The following DPH6 variants were observed in gnomAD, a reference collection of about 807,000 sequenced individuals.
DPH6 encodes diphthine--ammonia ligase.
A neutral mutation model predicts 38.2 loss-of-function variants in DPH6; 33 were observed. The observed-to-expected ratio is 0.86, with a 90% CI of 0.65 to 1.15. The LOEUF (loss-of-function observed/expected upper bound fraction) is 1.15, where lower values mean the gene tolerates loss of function less well. DPH6 is among the 50% of genes most tolerant of loss of function. The pLI, the probability that DPH6 is intolerant of heterozygous loss-of-function variation, is 0.00. For synonymous variants in DPH6, 108 were observed against 103.0 expected, an observed-to-expected ratio of 1.05 and a Z score of -0.30; for missense variants, 325 against 320.0, an observed-to-expected ratio of 1.02 and a Z score of -0.12.
At chr15:35,258,454 AT>A (rs2051722227) in intron 3 of DPH6, among the ~76,000 whole-genome samples, 1 of 152,194 alleles carries the variant, frequency 6.6e-6, no homozygotes. Flanking sequence ...AAATCATACA[AT>A]TTTAGAGTTG....
chr15:35,347,983 A>G (rs1481638953), intron 3 of DPH6, among the ~76,000 whole-genome samples: 1 of 152,048 alleles, frequency 6.6e-6, no homozygotes, highest in Non-Finnish European at 1.5e-5. Context: ...ACCATTTTAA[A>G]ATTAGATTAT....
the DPH6 span, among the ~76,000 whole-genome samples, chr15:35,154,274 A>T: frequency 6.6e-6 from 1 of 152,218 alleles, no homozygotes; most frequent in African/African-American, 2.4e-5. Flanking sequence ...GTGTCTAAAC[A>T]TCAAATTTTA....
At chr15:35,380,002 G>GA (rs916443899) in intron 7 of DPH6, among the ~76,000 whole-genome samples, 11 of 146,810 alleles carry the variant, frequency 7.5e-5, no homozygotes, top group South Asian at 2.2e-4. Flanking sequence ...AGCCTATGAA[G>GA]AAAAAAAAAA....
chr15:35,307,683 A>G (rs1289136278), intron 3 of DPH6, among the ~76,000 whole-genome samples: 1 of 152,200 alleles, frequency 6.6e-6, no homozygotes, highest in Non-Finnish European at 1.5e-5. Flanking sequence ...GGACCATGCT[A>G]CTACTTTTCA....
chr15:35,361,756 G>T (rs1445738231), intron 3 of DPH6, among the ~76,000 whole-genome samples: 1 of 150,772 alleles, frequency 6.6e-6, no homozygotes, highest in Non-Finnish European at 1.5e-5. Context: ...TATATTCTTT[G>T]GTTCCAGATT....
chr15:35,184,455 T>A, the DPH6 span, among the ~76,000 whole-genome samples: 2 of 152,164 alleles, frequency 1.3e-5, no homozygotes, highest in African/African-American at 4.8e-5. Context: ...GTAGCAGAGC[T>A]AAACCTCCAA....
At chr15:35,165,735 T>C in the DPH6 span, among the ~76,000 whole-genome samples, 1 of 151,930 alleles carries the variant, frequency 6.6e-6, no homozygotes, top group Admixed American at 6.6e-5. Context: ...CTTAAGTCAT[T>C]GTGATCAGTA....
intron 6 of DPH6, among the ~76,000 whole-genome samples, chr15:35,384,461 G>C (rs1595517807): frequency 6.6e-6 from 1 of 152,048 alleles, no homozygotes; most frequent in Non-Finnish European, 1.5e-5. Flanking sequence ...CCGAGGCCAG[G>C]AACTAGATGC....
At chr15:35,484,298 G>A (rs1448204491) in intron 3 of DPH6, among the ~76,000 whole-genome samples, 2 of 152,230 alleles carry the variant, frequency 1.3e-5, no homozygotes, top group Non-Finnish European at 2.9e-5. Context: ...GCTAAAATGT[G>A]TTAGCTTAAA....
downstream of DPH6, among the ~76,000 whole-genome samples, chr15:35,366,271 T>C (rs886414229): frequency 2.7e-5 from 4 of 150,326 alleles, no homozygotes; most frequent in African/African-American, 9.8e-5. Flanking sequence ...TGTATACATA[T>C]AAAATTTTCT....
intron 3 of DPH6, among the ~76,000 whole-genome samples, chr15:35,504,692 G>A (rs2054671537): frequency 6.6e-6 from 1 of 151,962 alleles, no homozygotes; most frequent in Non-Finnish European, 1.5e-5. Flanking sequence ...CCCTGGAAAT[G>A]GAAAGATAAA....
intron 5 of DPH6, among the ~76,000 whole-genome samples, chr15:35,430,085 T>C (rs1476957240): frequency 6.6e-6 from 1 of 152,112 alleles, no homozygotes. Context: ...TCATCAAAAA[T>C]GATATTGACC....
the DPH6 span, among the ~76,000 whole-genome samples, chr15:35,145,757 A>G: frequency 4.5e-4 from 68 of 152,278 alleles, no homozygotes; most frequent in African/African-American, 1.6e-3. Flanking sequence ...GCCAGCCATC[A>G]AAGAATTATT....
At chr15:35,536,878 C>G (rs1462957136) in intron 3 of DPH6, among the ~76,000 whole-genome samples, 2 of 151,994 alleles carry the variant, frequency 1.3e-5, no homozygotes, top group African/African-American at 4.8e-5. Flanking sequence ...TCTTTTAAGC[C>G]TTCTACCTTG....
At chr15:35,461,937 A>G (rs886697415) in intron 3 of DPH6, among the ~76,000 whole-genome samples, 13 of 152,158 alleles carry the variant, frequency 8.5e-5, no homozygotes, top group African/African-American at 2.9e-4. Context: ...TAGGCTGCAG[A>G]TTCAACAAAG....
the DPH6 span, among the ~76,000 whole-genome samples, chr15:35,189,292 A>C: frequency 1.3e-5 from 2 of 152,210 alleles, no homozygotes; most frequent in Non-Finnish European, 2.9e-5. Context: ...AAAATTATCC[A>C]ATTTAAAGCA....
At chr15:35,397,868 T>TATATACAC (rs752473433) in intron 6 of DPH6, among the ~76,000 whole-genome samples, 2,955 of 87,020 alleles carry the variant, frequency 0.034, 57 homozygotes, top group African/African-American at 0.053. Context: ...TTTATATATA[T>TATATACAC]ACACACACAC....
chr15:35,491,099 T>A (rs1341085866), intron 3 of DPH6, among the ~76,000 whole-genome samples: 1 of 152,096 alleles, frequency 6.6e-6, no homozygotes, highest in Non-Finnish European at 1.5e-5. Flanking sequence ...CCCAATATCA[T>A]TACATTGGCA....
intron 3 of DPH6, among the ~76,000 whole-genome samples, chr15:35,333,196 A>G (rs2052340926): frequency 6.6e-6 from 1 of 152,292 alleles, no homozygotes; most frequent in Middle Eastern, 3.4e-3. Flanking sequence ...AAAAAGACCA[A>G]TATCTGAGAA....
Sources: allele counts gnomAD v4.1 joint callset (sites outside exome capture counted in the v4.1 genomes callset), GRCh38; gene constraint gnomAD v4.1.1; transcripts MANE v1.5; gene names NCBI Gene and HGNC (gene_info 2026-07-23, HGNC 2026-07-21).